The following B3GALT1 variants were observed in gnomAD, a reference collection of about 807,000 sequenced individuals.
B3GALT1 encodes the protein beta-1,3-galactosyltransferase 1.
B3GALT1 carries 10 observed loss-of-function variants against 23.2 expected under a neutral mutation model. The ratio of observed to expected loss-of-function variants is 0.43; its 90% CI spans 0.27 to 0.73. The LOEUF (loss-of-function observed/expected upper bound fraction) is 0.73. Ranked by LOEUF, B3GALT1 falls within the 30% of genes least tolerant of loss-of-function variation. The probability of loss-of-function intolerance (pLI) is 0.21; values close to 1 mark genes in which losing one functional copy is unlikely to be tolerated. For missense variants in B3GALT1, 299 were observed against 405.4 expected, an observed-to-expected ratio of 0.74 and a Z score of 2.25; for synonymous variants, 156 against 141.5, an observed-to-expected ratio of 1.10 and a Z score of -0.73.
chr2:167,698,154 G>A (rs1159522797), intron 3 of B3GALT1, among the ~76,000 whole-genome samples: 1 of 152,132 alleles, frequency 6.6e-6, no homozygotes, highest in Non-Finnish European at 1.5e-5. Context: ...TAACCGCATG[G>A]TTTTGCAAAT....
intron 2 of B3GALT1, among the ~76,000 whole-genome samples, chr2:167,639,426 A>C (rs1006267025): frequency 2.6e-5 from 4 of 152,060 alleles, no homozygotes; most frequent in Admixed American, 6.6e-5. Context: ...TATTTTTTAA[A>C]TATCCAGTAA....
At chr2:167,459,582 T>C (rs1209914101) in intron 1 of B3GALT1, among the ~76,000 whole-genome samples, 1 of 152,178 alleles carries the variant, frequency 6.6e-6, no homozygotes, top group Non-Finnish European at 1.5e-5. Context: ...CTAATAATTT[T>C]TTTCAAACGT....
At chr2:167,705,360 C>T (rs1174796101) in intron 3 of B3GALT1, among the ~76,000 whole-genome samples, 1 of 152,202 alleles carries the variant, frequency 6.6e-6, no homozygotes, top group East Asian at 1.9e-4. Flanking sequence ...TTATGCAAAG[C>T]TATTCATCAT....
chr2:167,721,419 G>T (rs1177939541), intron 3 of B3GALT1, among the ~76,000 whole-genome samples: 1 of 152,088 alleles, frequency 6.6e-6, no homozygotes, highest in African/African-American at 2.4e-5. Context: ...TCCTCTTTGT[G>T]GACAGAGGCA....
At chr2:167,386,290 G>A (rs958345772) in intron 1 of B3GALT1, among the ~76,000 whole-genome samples, 2 of 151,594 alleles carry the variant, frequency 1.3e-5, no homozygotes, top group African/African-American at 2.4e-5. Context: ...TATAAAGAAC[G>A]TTCTTTATGG....
At chr2:167,360,723 A>G (rs544205385) in intron 1 of B3GALT1, among the ~76,000 whole-genome samples, 119 of 152,352 alleles carry the variant, frequency 7.8e-4, no homozygotes, top group Middle Eastern at 3.4e-3. Flanking sequence ...TAGGAACATT[A>G]TAGTTCTTCC....
intron 3 of B3GALT1, among the ~76,000 whole-genome samples, chr2:167,667,161 C>G (rs547613767): frequency 4.6e-5 from 7 of 152,120 alleles, no homozygotes; most frequent in Admixed American, 1.3e-4. Context: ...GACAAAATCT[C>G]TCAGCATTTG....
chr2:167,597,116 T>C (rs991377060), intron 2 of B3GALT1, among the ~76,000 whole-genome samples: 3 of 141,180 alleles, frequency 2.1e-5, no homozygotes, highest in Non-Finnish European at 4.5e-5. Context: ...TTTTTGTTTT[T>C]GTTTTTTTTT....
At chr2:167,423,868 A>G (rs867637130) in intron 1 of B3GALT1, among the ~76,000 whole-genome samples, 26 of 152,248 alleles carry the variant, frequency 1.7e-4, no homozygotes, top group Admixed American at 9.2e-4. Context: ...TTATCTCTCT[A>G]TGCCTAGTGC....
chr2:167,704,834 C>T (rs1686944605), intron 3 of B3GALT1, among the ~76,000 whole-genome samples: 1 of 152,028 alleles, frequency 6.6e-6, no homozygotes, highest in Admixed American at 6.6e-5. Flanking sequence ...TCCAGATACC[C>T]CAAGTCACTG....
chr2:167,420,985 C>A (rs955184136), intron 1 of B3GALT1, among the ~76,000 whole-genome samples: 1 of 152,096 alleles, frequency 6.6e-6, no homozygotes, highest in Non-Finnish European at 1.5e-5. Flanking sequence ...TATTTAAGTG[C>A]TAATATTTGC....
At chr2:167,612,834 C>T (rs1047283215) in intron 2 of B3GALT1, among the ~76,000 whole-genome samples, 2 of 151,934 alleles carry the variant, frequency 1.3e-5, no homozygotes, top group Admixed American at 1.3e-4. Flanking sequence ...AACCTTTCTG[C>T]ACTTTCTACA....
chr2:167,779,134 T>C (rs1028620009), intron 3 of B3GALT1, among the ~76,000 whole-genome samples: 4 of 152,264 alleles, frequency 2.6e-5, no homozygotes, highest in Admixed American at 6.5e-5. Context: ...ACATCTTTCT[T>C]TCATTCACTC....
chr2:167,822,924 T>A lies in B3GALT1; in HGVS notation c.-230+4131T>A, dbSNP rs185198359. 1.8e-3 allele frequency among the ~76,000 whole-genome samples: 273 copies of A among 152,360 alleles called. 1 individual carries two copies. The highest frequency in any genetic ancestry group is 3.2e-3 in the Non-Finnish European group (215 of 68,034). On this transcript the variant is annotated intron_variant, in intron 4 of 4. Transcript: ENST00000392690. The stretch of plus-strand genomic sequence containing the variant: ...TCAATCAGATGTGTTTTCTCTTTTT[T>A]CTTCCTGGACATATAGATAGACCGC...
chr2:167,296,693 C>T (rs1433493714), intron 1 of B3GALT1, among the ~76,000 whole-genome samples: 1 of 152,086 alleles, frequency 6.6e-6, no homozygotes, highest in Middle Eastern at 3.2e-3. Flanking sequence ...TACTGTGTTC[C>T]TACTATGTGC....
At chr2:167,613,806 G>A (rs941575236) in intron 2 of B3GALT1, among the ~76,000 whole-genome samples, 1 of 151,526 alleles carries the variant, frequency 6.6e-6, no homozygotes, top group African/African-American at 2.4e-5. Context: ...TATGTGGTTT[G>A]CCCCAAGAAT....
intron 3 of B3GALT1, among the ~76,000 whole-genome samples, chr2:167,779,037 A>G (rs1327458428): frequency 2.0e-5 from 3 of 152,222 alleles, no homozygotes; most frequent in Non-Finnish European, 4.4e-5. Flanking sequence ...TATTTTGACC[A>G]CAGAATTGGA....
chr2:167,741,400 G>A (rs552784749), intron 3 of B3GALT1, among the ~76,000 whole-genome samples: 15 of 152,246 alleles, frequency 9.9e-5, no homozygotes, highest in African/African-American at 2.2e-4. Context: ...CATCTTCCAT[G>A]CCCTCAGAGA....
At chr2:167,781,992 C>A (rs189285322) in intron 3 of B3GALT1, among the ~76,000 whole-genome samples, 32 of 152,304 alleles carry the variant, frequency 2.1e-4, no homozygotes, top group Admixed American at 2.0e-3. Context: ...ATCTGCCCGC[C>A]TCGCCCTCCC....
Sources: gnomAD v4.1 joint callset for allele counts (sites outside exome capture counted in the v4.1 genomes callset) on GRCh38, gnomAD v4.1.1 for gene constraint, MANE v1.5 for transcripts, NCBI Gene and HGNC (gene_info 2026-07-23, HGNC 2026-07-21) for gene names.